The following PDE3A variants were observed in gnomAD, a reference collection of about 807,000 sequenced individuals.
The protein encoded by PDE3A is phosphodiesterase 3A, also known as cGMP-inhibited 3',5'-cyclic phosphodiesterase 3A.
A neutral mutation model predicts 98.3 loss-of-function variants in PDE3A; 43 were observed. That is an observed-to-expected ratio of 0.44 (90% confidence interval 0.34 to 0.56). The LOEUF is 0.56. Among genes scored for constraint, PDE3A ranks in the 20% least tolerant of loss-of-function variants. PDE3A has a pLI of 0.01. For synonymous variants in PDE3A, 663 were observed against 567.9 expected, an observed-to-expected ratio of 1.17 and a Z score of -2.38; for missense variants, 1,427 against 1,440.7, an observed-to-expected ratio of 0.99 and a Z score of 0.15.
chr12:20,476,764 A>G (rs1945538300), intron 1 of PDE3A, among the ~76,000 whole-genome samples: 1 of 152,230 alleles, frequency 6.6e-6, no homozygotes, highest in South Asian at 2.1e-4. Context: ...GGCCTTGCCC[A>G]AAGAGCAAAA....
intron 1 of PDE3A, among the ~76,000 whole-genome samples, chr12:20,467,371 G>A (rs1000118793): frequency 6.6e-6 from 1 of 151,286 alleles, no homozygotes; most frequent in African/African-American, 2.4e-5. Context: ...TAAAGATAGT[G>A]TAGGAATGAC....
chr12:20,408,586 G>T (rs78478212), intron 1 of PDE3A, among the ~76,000 whole-genome samples: 3,947 of 152,128 alleles, frequency 0.026, 81 homozygotes, highest in Admixed American at 0.059. Context: ...TTATTTCAAA[G>T]ATTAAATGGA....
Position 20,588,667 on chromosome 12 carries a change from C to A in PDE3A, c.1012-24776C>A, listed in dbSNP as rs549240970. ...CAGCTTTGCTCTTACCATTTTGCCC[C>A]ATGCTGCCTTGTCAGCCCCTCCTCA... On this transcript the variant is annotated intron_variant, in intron 2 of 15. Transcript: ENST00000359062. 3.9e-5 allele frequency among the ~76,000 whole-genome samples: 6 copies of A among 152,246 alleles called. No homozygotes were observed. The East Asian group carries it at 1.2e-3, about 30-fold the overall frequency.
chr12:20,446,691 T>A (rs923250117), intron 1 of PDE3A, among the ~76,000 whole-genome samples: 3 of 152,198 alleles, frequency 2.0e-5, no homozygotes, highest in African/African-American at 7.2e-5. Flanking sequence ...TTCTATTCAT[T>A]TAAAATTTCA....
rs543893285 is a variant in PDE3A at position 20,552,895 on chromosome 12, G to A, written c.961-3765G>A. 1.4e-5 allele frequency: 22 copies of A among 1,610,196 alleles called. No individual in the cohort carries two copies. In the Admixed American group the frequency reaches 3.7e-4, roughly 27 times the overall value. On this transcript the variant is annotated intron_variant, in intron 1 of 15. Coordinates refer to ENST00000359062, the MANE Select transcript of PDE3A (RefSeq NM_000921.5). This position sits in a 1 kb window ranked among gnomAD's most constrained non-coding sequence, Gnocchi z 5.1. Reference sequence around the variant, plus strand: ...CCTGGACAGATCCTTTCGGGCACAGGTGTTCAGCTGCCCTGCCTGCCGCTA... The same window carrying A: ...CCTGGACAGATCCTTTCGGGCACAGATGTTCAGCTGCCCTGCCTGCCGCTA...
At chr12:20,594,611 T>G (rs1943421236) in intron 2 of PDE3A, among the ~76,000 whole-genome samples, 1 of 152,016 alleles carries the variant, frequency 6.6e-6, no homozygotes, top group African/African-American at 2.4e-5. Context: ...ACGCTCATCT[T>G]TAAGAAGCTT....
In PDE3A at chr12:20,552,458, G is replaced by C. The variant is rs797016632; in HGVS notation, c.961-4202G>C. The C allele has an allele frequency of 3.7e-6, 6 of 1,612,770 alleles. No homozygotes were observed. In the African/African-American group the frequency reaches 8.0e-5, roughly 22 times the overall value. ...GGGCTGACCATGCAGTATCCAGAAG[G>C]CTACCTGGAAGCCCTGGCCAACCGA... is the stretch of plus-strand genomic sequence containing the variant. On this transcript the variant is annotated intron_variant, in intron 1 of 15. Coordinates refer to ENST00000359062, the MANE Select transcript of PDE3A (RefSeq NM_000921.5). The surrounding 1 kb of genome is among the most constrained non-coding windows in gnomAD (Gnocchi z 5.1).
intron 2 of PDE3A, among the ~76,000 whole-genome samples, chr12:20,581,013 A>T (rs979396447): frequency 2.0e-5 from 3 of 152,224 alleles, no homozygotes; most frequent in African/African-American, 7.2e-5. Flanking sequence ...CAAGAAAATT[A>T]TAGGCTCTAG....
At chr12:20,425,308 T>G (rs1460175200) in intron 1 of PDE3A, among the ~76,000 whole-genome samples, 2 of 152,150 alleles carry the variant, frequency 1.3e-5, no homozygotes, top group African/African-American at 4.8e-5. Flanking sequence ...CGATTTTATT[T>G]TTTTCATCAT....
chr12:20,433,716 T>G (rs1422862075), intron 1 of PDE3A, among the ~76,000 whole-genome samples: 1 of 152,212 alleles, frequency 6.6e-6, no homozygotes, highest in Admixed American at 6.5e-5. Context: ...AGGAAGAGCA[T>G]GTACTGCTGG....
intron 3 of PDE3A, among the ~76,000 whole-genome samples, chr12:20,615,381 C>T (rs996387000): frequency 3.9e-5 from 6 of 152,140 alleles, no homozygotes; most frequent in Admixed American, 1.3e-4. Flanking sequence ...GGAGTTGACA[C>T]TGATGACATT....
chr12:20,400,379 GTTTTTTTTTTTTTTTTTTT>G (rs75851941), intron 1 of PDE3A, among the ~76,000 whole-genome samples: 230 of 110,126 alleles, frequency 2.1e-3, no homozygotes, highest in Non-Finnish European at 3.0e-3. Flanking sequence ...GTTAACATTG[GTTTTTTTTTTTTTTTTTTT>G]TTTTTTTTTT....
chr12:20,581,896 G>T (rs2121345903), intron 2 of PDE3A, among the ~76,000 whole-genome samples: 1 of 152,212 alleles, frequency 6.6e-6, no homozygotes, highest in Non-Finnish European at 1.5e-5. Context: ...ATTTCTAAAT[G>T]TAAAATCTAT....
intron 2 of PDE3A, among the ~76,000 whole-genome samples, chr12:20,609,260 CA>C: frequency 6.6e-6 from 1 of 151,956 alleles, no homozygotes; most frequent in Non-Finnish European, 1.5e-5. Flanking sequence ...AAATCAATAA[CA>C]TTTTTTATAT....
chr12:20,491,979 A>G (rs1591985570), intron 1 of PDE3A, among the ~76,000 whole-genome samples: 1 of 141,462 alleles, frequency 7.1e-6, no homozygotes, highest in African/African-American at 2.4e-5. Context: ...ACGATAATTT[A>G]GTACAGAGAG....
chr12:20,598,516 G>A (rs1943518080), intron 2 of PDE3A, among the ~76,000 whole-genome samples: 1 of 152,062 alleles, frequency 6.6e-6, no homozygotes, highest in Non-Finnish European at 1.5e-5. Context: ...GGTGTTTAAT[G>A]TTGTGTTAAA....
chr12:20,394,173 T>C (rs1943966724), intron 1 of PDE3A, among the ~76,000 whole-genome samples: 1 of 152,122 alleles, frequency 6.6e-6, no homozygotes, highest in African/African-American at 2.4e-5. Flanking sequence ...AGAGGCAATA[T>C]TTGACTCAGT....
chr12:20,627,025 T>C lies in PDE3A; in HGVS notation c.1541-2883T>C, dbSNP rs562581142. ...ATTGCATGTATCTGAAGCAATCAGC[T>C]GGCAGCTACTAAAACTTAGCAATGA... On this transcript the variant is annotated intron_variant, in intron 5 of 15. Transcript: ENST00000359062. 9.0e-4 allele frequency among the ~76,000 whole-genome samples: 137 copies of C among 152,160 alleles called. 1 individual carries two copies. Among genetic ancestry groups the C allele is most frequent in the African/African-American group, 3.2e-3 (132 of 41,518 alleles).
intron 1 of PDE3A, among the ~76,000 whole-genome samples, chr12:20,468,436 A>G (rs1016462012): frequency 9.2e-5 from 14 of 152,248 alleles, no homozygotes; most frequent in African/African-American, 3.4e-4. Context: ...GATCTATAAG[A>G]CTGATTGTAA....
Sources: allele counts gnomAD v4.1 joint callset (sites outside exome capture counted in the v4.1 genomes callset), GRCh38; gene constraint gnomAD v4.1.1; non-coding constraint Gnocchi (gnomAD v3.1); transcripts MANE v1.5; gene names NCBI Gene and HGNC (gene_info 2026-07-23, HGNC 2026-07-21).